The following PLCB1 variants were observed in gnomAD, a reference collection of about 807,000 sequenced individuals.
PLCB1 encodes the protein phospholipase C beta 1.
Under a neutral mutation model 161.8 loss-of-function variants are expected in PLCB1, and 46 were observed. That is an observed-to-expected ratio of 0.28 (90% CI 0.22 to 0.36). The LOEUF (loss-of-function observed/expected upper bound fraction) is 0.36. Among genes scored for constraint, PLCB1 ranks in the 10% least tolerant of loss-of-function variants. The pLI, the probability that PLCB1 is intolerant of heterozygous loss-of-function variation, is 1.00. For synonymous variants in PLCB1, 517 were observed against 503.7 expected, an observed-to-expected ratio of 1.03 and a Z score of -0.35; for missense variants, 1,016 against 1,472.5, an observed-to-expected ratio of 0.69 and a Z score of 5.07.
At chr20:8,732,361 C>G (rs1980298678) in intron 18 of PLCB1, among the ~76,000 whole-genome samples, 2 of 151,802 alleles carry the variant, frequency 1.3e-5, no homozygotes, top group Admixed American at 1.3e-4. Context: ...AAAAATTTTC[C>G]AATGAGGACA....
intron 3 of PLCB1, among the ~76,000 whole-genome samples, chr20:8,480,471 T>C (rs1325988120): frequency 1.3e-5 from 2 of 152,032 alleles, no homozygotes; most frequent in East Asian, 3.9e-4. Flanking sequence ...TATTTATACC[T>C]GAATAAGTTC....
chr20:8,564,517 G>T (rs6108156), intron 3 of PLCB1, among the ~76,000 whole-genome samples: 13,919 of 152,098 alleles, frequency 0.092, 715 homozygotes, highest in South Asian at 0.13. Flanking sequence ...CTTCTGCACA[G>T]CAAAAGAAAC....
rs142432676 is a variant in PLCB1 at position 8,881,645 on chromosome 20, A to C, written c.3447A>C (p.Glu1149Asp). 2 of 1,613,986 alleles carry C rather than the reference A, an allele frequency of 1.2e-6. No homozygotes were observed. The highest frequency in any genetic ancestry group is 1.3e-5 in the African/African-American group (1 of 74,918). ...AGCTGCAGGTGGAGCTGGAGCAAGA[A>C]TACCAAGACAAATTCAAAAGACTGC... ...KPKLQVELEQ[E>D]YQDKFKRLPL... Residue 1149 changes from glutamate to aspartate, a missense_variant, in exon 32 of 32, where the codon GAA (glutamate) becomes GAC (aspartate). Transcript: ENST00000338037.
chr20:8,742,241 G>T (rs983477924), intron 23 of PLCB1, among the ~76,000 whole-genome samples: 1 of 151,960 alleles, frequency 6.6e-6, no homozygotes, highest in African/African-American at 2.4e-5. Flanking sequence ...ATTATTAAGG[G>T]TGACACTAAT....
intron 3 of PLCB1, among the ~76,000 whole-genome samples, chr20:8,575,783 C>T (rs746590896): frequency 2.0e-5 from 3 of 152,184 alleles, no homozygotes; most frequent in East Asian, 3.9e-4. Context: ...ATTAACATCA[C>T]GTAAGAGTTG....
chr20:8,474,488 GT>G (rs1982184548), intron 3 of PLCB1, among the ~76,000 whole-genome samples: 1 of 152,094 alleles, frequency 6.6e-6, no homozygotes, highest in Non-Finnish European at 1.5e-5. Flanking sequence ...TGCTTGGCAA[GT>G]TTAAAGATGA....
At chr20:8,405,144 A>T (rs1978728479) in intron 3 of PLCB1, among the ~76,000 whole-genome samples, 1 of 152,204 alleles carries the variant, frequency 6.6e-6, no homozygotes, top group Non-Finnish European at 1.5e-5. Flanking sequence ...TTTGCAGGTC[A>T]GCTGAGTGGT....
chr20:8,270,439 T>A (rs916053211), intron 2 of PLCB1, among the ~76,000 whole-genome samples: 1 of 152,198 alleles, frequency 6.6e-6, no homozygotes, highest in African/African-American at 2.4e-5. Flanking sequence ...GATTGTTATG[T>A]AACATGGGCA....
rs377762613 is a variant in PLCB1, at chr20:8,727,410, G to A, written c.1763+17G>A. The A allele has an allele frequency of 1.1e-4, 145 of 1,321,374 alleles. No individual in the cohort carries two copies. The highest frequency in any genetic ancestry group is 1.5e-4 in the Non-Finnish European group (136 of 918,136). 81.9% of individuals were successfully genotyped at this position (1,321,374 alleles called of 1,614,324 possible). ...ATTTGTAGAGTATCCTTGATTTGAC[G>A]AATGACTGCAGAATGAACACAGCTG... is the stretch of plus-strand genomic sequence containing the variant. On this transcript the variant is annotated intron_variant, in intron 17 of 31. Transcript: ENST00000338037.
chr20:8,700,213 C>T (rs529815764), intron 11 of PLCB1, among the ~76,000 whole-genome samples: 4 of 152,342 alleles, frequency 2.6e-5, no homozygotes, highest in East Asian at 1.9e-4. Context: ...ACTGCCCATC[C>T]GCCAGGAAGA....
rs192163975 is a variant in PLCB1 at position 8,475,433 on chromosome 20, G to T, written c.246+103983G>T. ...AGACCCTGTCTCAAAAAAATAAGTG[G>T]GAAAAAAAGACAGAGATGTCCTTGC... On this transcript the variant is annotated intron_variant, in intron 3 of 31. Coordinates refer to ENST00000338037, the MANE Select transcript of PLCB1 (RefSeq NM_015192.4). Among the ~76,000 whole-genome samples the T allele has an allele frequency of 3.3e-5, 5 of 152,030 alleles. No homozygotes were observed. In the East Asian group the frequency reaches 9.7e-4, roughly 29 times the overall value.
intron 11 of PLCB1, among the ~76,000 whole-genome samples, chr20:8,700,834 C>T (rs1440381860): frequency 6.6e-6 from 1 of 152,102 alleles, no homozygotes. Flanking sequence ...TGCTAATGCA[C>T]ATAGCAGGAT....
chr20:8,418,485 T>G (rs1440275367), intron 3 of PLCB1, among the ~76,000 whole-genome samples: 1 of 152,168 alleles, frequency 6.6e-6, no homozygotes, highest in African/African-American at 2.4e-5. Context: ...ATTTTTATTT[T>G]ATCGAAATTT....
chr20:8,801,835 A>G (rs1984293819), intron 31 of PLCB1, among the ~76,000 whole-genome samples: 1 of 152,112 alleles, frequency 6.6e-6, no homozygotes, highest in South Asian at 2.1e-4. Context: ...GAGAGTGGGG[A>G]GGCCGAGGAG....
chr20:8,798,029 A>G (rs762390369), intron 31 of PLCB1, among the ~76,000 whole-genome samples: 3 of 152,154 alleles, frequency 2.0e-5, no homozygotes, highest in Non-Finnish European at 4.4e-5. Flanking sequence ...CACTGACTCT[A>G]TTAAAAACAA....
intron 2 of PLCB1, among the ~76,000 whole-genome samples, chr20:8,288,366 G>A (rs767910028): frequency 6.6e-6 from 1 of 152,100 alleles, no homozygotes; most frequent in Non-Finnish European, 1.5e-5. Flanking sequence ...TTTGTCAGAC[G>A]GTCTAGAAGC....
At chr20:8,572,395 A>G (rs755405436) in intron 3 of PLCB1, among the ~76,000 whole-genome samples, 1 of 152,236 alleles carries the variant, frequency 6.6e-6, no homozygotes, top group Non-Finnish European at 1.5e-5. Context: ...GTTGGCTAAT[A>G]GAAATAACAC....
intron 3 of PLCB1, among the ~76,000 whole-genome samples, chr20:8,543,364 G>T (rs1215709197): frequency 6.6e-6 from 1 of 152,032 alleles, no homozygotes; most frequent in Non-Finnish European, 1.5e-5. Context: ...TTGAGACAAG[G>T]CATGGTGTAA....
intron 3 of PLCB1, among the ~76,000 whole-genome samples, chr20:8,626,240 A>G (rs1223847356): frequency 6.6e-6 from 1 of 152,050 alleles, no homozygotes; most frequent in East Asian, 1.9e-4. Context: ...TTTTCAAACA[A>G]AGATTTCAGA....
Sources: gnomAD v4.1 joint callset for allele counts (sites outside exome capture counted in the v4.1 genomes callset) on GRCh38, gnomAD v4.1.1 for gene constraint, MANE v1.5 for transcripts, NCBI Gene and HGNC (gene_info 2026-07-23, HGNC 2026-07-21) for gene names.